Variants in PDE4B observed in about 807,000 individuals in gnomAD.
PDE4B encodes the protein 3',5'-cyclic-AMP phosphodiesterase 4B.
A neutral mutation model predicts 82.2 loss-of-function variants in PDE4B; 20 were observed. The observed-to-expected ratio is 0.24, with a 90% confidence interval of 0.17 to 0.35. The LOEUF (loss-of-function observed/expected upper bound fraction) is 0.35, where lower values mean the gene tolerates loss of function less well. Ranked by LOEUF, PDE4B falls within the 10% of genes least tolerant of loss-of-function variation. PDE4B has a pLI of 1.00. For missense variants in PDE4B, 655 were observed against 907.2 expected, an observed-to-expected ratio of 0.72 and a Z score of 3.57; for synonymous variants, 320 against 318.9, an observed-to-expected ratio of 1.00 and a Z score of -0.04.
chr1:65,904,849 A>C (rs1647010592), intron 1 of PDE4B, among the ~76,000 whole-genome samples: 1 of 152,216 alleles, frequency 6.6e-6, no homozygotes. Context: ...TGTGAGAATT[A>C]CATGAGATGA....
At chr1:66,185,788 C>G (rs1647184042) in intron 3 of PDE4B, among the ~76,000 whole-genome samples, 1 of 151,914 alleles carries the variant, frequency 6.6e-6, no homozygotes, top group Non-Finnish European at 1.5e-5. Flanking sequence ...TGTAGGTTGC[C>G]TTTTCATTCT....
intron 1 of PDE4B, among the ~76,000 whole-genome samples, chr1:65,883,808 C>CT (rs1288252860): frequency 2.0e-5 from 3 of 152,064 alleles, no homozygotes; most frequent in African/African-American, 7.2e-5. Context: ...ATAAATATCT[C>CT]TTATTATTTT....
intron 3 of PDE4B, among the ~76,000 whole-genome samples, chr1:66,015,469 T>G (rs963551826): frequency 5.3e-5 from 8 of 152,162 alleles, no homozygotes; most frequent in African/African-American, 1.9e-4. Flanking sequence ...CAGCCCAAAG[T>G]AATTTTATAT....
chr1:66,033,989 C>T (rs545045981), intron 3 of PDE4B, among the ~76,000 whole-genome samples: 1 of 152,156 alleles, frequency 6.6e-6, no homozygotes, highest in East Asian at 1.9e-4. Context: ...CTATCCTGAA[C>T]GTGTCTTCTC....
chr1:65,938,632 AAC>A (rs1648280817), intron 3 of PDE4B, among the ~76,000 whole-genome samples: 1 of 152,208 alleles, frequency 6.6e-6, no homozygotes, highest in Admixed American at 6.5e-5. Flanking sequence ...AAAATTATAA[AAC>A]AGTGTCATAT....
chr1:66,264,881 A>G (rs777511595), intron 6 of PDE4B, among the ~76,000 whole-genome samples: 4 of 152,236 alleles, frequency 2.6e-5, no homozygotes, highest in Non-Finnish European at 5.9e-5. Context: ...AGTGAAAACT[A>G]CAGATTCCCA....
intron 8 of PDE4B, among the ~76,000 whole-genome samples, chr1:66,339,173 G>A (rs1428308457): frequency 6.6e-6 from 1 of 152,184 alleles, no homozygotes; most frequent in African/African-American, 2.4e-5. Flanking sequence ...ATATGTAAGG[G>A]AAATTTTTGG....
rs183542572 is a variant in PDE4B at position 65,904,286 on chromosome 1, T to C, written c.-70-8959T>C. On this transcript the variant is annotated intron_variant, in intron 1 of 16. Coordinates refer to ENST00000341517, the MANE Select transcript of PDE4B (RefSeq NM_002600.4). ...ACTTGTGAATGAATGTCATGAGTCT[T>C]CTGTATTAACTTAAAAAAAATTTAG... is the stretch of plus-strand genomic sequence containing the variant. Among the ~76,000 whole-genome samples, 11 of 152,296 alleles carry C rather than the reference T, an allele frequency of 7.2e-5. No individual in the cohort carries two copies. The East Asian group carries it at 2.1e-3, about 29-fold the overall frequency.
chr1:65,986,431 A>G (rs975077435), intron 3 of PDE4B, among the ~76,000 whole-genome samples: 3 of 152,230 alleles, frequency 2.0e-5, no homozygotes. Flanking sequence ...GAGACATGAC[A>G]TGCTTGACAA....
intron 1 of PDE4B, among the ~76,000 whole-genome samples, chr1:65,894,125 G>A (rs184958718): frequency 1.8e-3 from 266 of 151,664 alleles, no homozygotes; most frequent in Non-Finnish European, 2.9e-3. Context: ...AAAACTACCT[G>A]TACCCCAAAC....
At chr1:65,808,169 C>CTTTT (rs920861530) in intron 1 of PDE4B, among the ~76,000 whole-genome samples, 2 of 128,990 alleles carry the variant, frequency 1.6e-5, no homozygotes, top group African/African-American at 2.8e-5. Context: ...TAGACAAACA[C>CTTTT]TTTTTTTTTT....
chr1:66,189,767 C>A (rs1220744268), intron 3 of PDE4B, among the ~76,000 whole-genome samples: 1 of 152,026 alleles, frequency 6.6e-6, no homozygotes, highest in Non-Finnish European at 1.5e-5. Flanking sequence ...AACTTCATTG[C>A]CATGAGTTCG....
intron 3 of PDE4B, among the ~76,000 whole-genome samples, chr1:66,151,651 T>C (rs931911072): frequency 6.6e-6 from 1 of 152,236 alleles, no homozygotes; most frequent in Non-Finnish European, 1.5e-5. Flanking sequence ...AAAACTCACC[T>C]TGAGTGTCAC....
chr1:66,315,703 C>G (rs1658982821), intron 7 of PDE4B, among the ~76,000 whole-genome samples: 1 of 152,182 alleles, frequency 6.6e-6, no homozygotes, highest in South Asian at 2.1e-4. Flanking sequence ...CATGATCTGC[C>G]TGCCTCGGCC....
intron 1 of PDE4B, among the ~76,000 whole-genome samples, chr1:65,886,439 A>G (rs1267957307): frequency 1.3e-5 from 2 of 152,168 alleles, no homozygotes; most frequent in African/African-American, 2.4e-5. Flanking sequence ...GTTGTTAACT[A>G]TAGTCACACT....
At chr1:65,829,897 G>C (rs1052783034) in intron 1 of PDE4B, among the ~76,000 whole-genome samples, 1 of 152,246 alleles carries the variant, frequency 6.6e-6, no homozygotes, top group East Asian at 1.9e-4. Context: ...AATAATTATA[G>C]CTAAATGTGT....
rs568504084 is a variant in PDE4B, at chr1:66,345,918, A to G, written c.748-9609A>G. Among the ~76,000 whole-genome samples the G allele has an allele frequency of 2.0e-5, 3 of 152,308 alleles. No homozygotes were observed. The East Asian group carries it at 5.8e-4, about 29-fold the overall frequency. ...CAGGGACCAGTGCTTTCTTCCTGTG[A>G]GCAGAAATGTGAAGCATGGTTTTGG... On this transcript the variant is annotated intron_variant, in intron 8 of 16. Coordinates refer to ENST00000341517, the MANE Select transcript of PDE4B (RefSeq NM_002600.4).
intron 1 of PDE4B, among the ~76,000 whole-genome samples, chr1:65,810,194 T>C (rs1468193762): frequency 6.6e-6 from 1 of 152,238 alleles, no homozygotes; most frequent in Non-Finnish European, 1.5e-5. Context: ...CAAAAGTCCT[T>C]AGTCCACACT....
At chr1:66,370,553 C>A (rs375524677) in intron 16 of PDE4B, among the ~76,000 whole-genome samples, 6 of 152,284 alleles carry the variant, frequency 3.9e-5, no homozygotes, top group African/African-American at 1.4e-4. Flanking sequence ...ACATCGTTAT[C>A]CACTCTGGTA....
Sources: gnomAD v4.1 joint callset for allele counts (sites outside exome capture counted in the v4.1 genomes callset) on GRCh38, gnomAD v4.1.1 for gene constraint, MANE v1.5 for transcripts, NCBI Gene and HGNC (gene_info 2026-07-23, HGNC 2026-07-21) for gene names.